RANBP2: variants seen among roughly 807,000 people sequenced by gnomAD.
The protein encoded by RANBP2 is E3 SUMO-protein ligase RanBP2.
RANBP2 carries 57 observed loss-of-function variants against 303.6 expected under a neutral mutation model. That is an observed-to-expected ratio of 0.19 (90% CI 0.15 to 0.23). The LOEUF (loss-of-function observed/expected upper bound fraction) is 0.23, where lower values mean the gene tolerates loss of function less well. Among genes scored for constraint, RANBP2 ranks in the 10% least tolerant of loss-of-function variants. RANBP2 has a pLI of 1.00. For missense variants in RANBP2, 3,138 were observed against 3,780.8 expected, an observed-to-expected ratio of 0.83 and a Z score of 4.46; for synonymous variants, 1,167 against 1,301.5, an observed-to-expected ratio of 0.90 and a Z score of 2.23.
the RANBP2 span, among the ~76,000 whole-genome samples, chr2:108,826,666 A>T: frequency 6.6e-6 from 1 of 152,122 alleles, no homozygotes; most frequent in Non-Finnish European, 1.5e-5. Flanking sequence ...CTTTGTAGTA[A>T]ATTTTGAAAA....
At chr2:108,933,174 T>C in the RANBP2 span, among the ~76,000 whole-genome samples, 1 of 152,198 alleles carries the variant, frequency 6.6e-6, no homozygotes, top group East Asian at 1.9e-4. Context: ...ATTTGTAAAG[T>C]TTCTAAATGC....
chr2:109,673,335 C>G, the RANBP2 span, among the ~76,000 whole-genome samples: 1 of 152,078 alleles, frequency 6.6e-6, no homozygotes, highest in Non-Finnish European at 1.5e-5. Context: ...ATCTTTTTGC[C>G]CACATGAGAG....
the RANBP2 span, among the ~76,000 whole-genome samples, chr2:108,826,474 A>G: frequency 4.1e-3 from 623 of 152,216 alleles, 7 homozygotes; most frequent in African/African-American, 0.015. Context: ...TTACCTGTAG[A>G]TACCCATTTG....
chr2:108,810,177 A>G, the RANBP2 span, among the ~76,000 whole-genome samples: 1 of 152,158 alleles, frequency 6.6e-6, no homozygotes, highest in Non-Finnish European at 1.5e-5. Context: ...TTCTAGTACC[A>G]TGTTCAACAA....
chr2:108,926,013 CCACCG>C, the RANBP2 span, among the ~76,000 whole-genome samples: 57 of 152,302 alleles, frequency 3.7e-4, no homozygotes, highest in Middle Eastern at 3.4e-3. Context: ...CAAGGAGAAG[CCACCG>C]TTTTCTAGCA....
At chr2:109,559,909 GCCTTTTTTT>G in the RANBP2 span, among the ~76,000 whole-genome samples, 6 of 115,178 alleles carry the variant, frequency 5.2e-5, no homozygotes, top group East Asian at 2.4e-4. Flanking sequence ...TCCAACCAAT[GCCTTTTTTT>G]TTTTTTTTTT....
chr2:109,349,157 T>C, the RANBP2 span, among the ~76,000 whole-genome samples: 1 of 77,518 alleles, frequency 1.3e-5, no homozygotes, highest in Non-Finnish European at 2.2e-5. Flanking sequence ...ATCTGCTGAG[T>C]GCAGAGCTCG....
At chr2:109,117,108 C>G in the RANBP2 span, among the ~76,000 whole-genome samples, 1 of 152,360 alleles carries the variant, frequency 6.6e-6, no homozygotes, top group South Asian at 2.1e-4. Context: ...AAGAGGCAGT[C>G]TGCCCGTTCT....
chr2:109,349,451 G>A, the RANBP2 span, among the ~76,000 whole-genome samples: 1 of 152,148 alleles, frequency 6.6e-6, no homozygotes, highest in Admixed American at 6.5e-5. Flanking sequence ...GCTTCCTGGG[G>A]CTATTTTTAG....
At chr2:109,357,179 T>A in the RANBP2 span, among the ~76,000 whole-genome samples, 1 of 151,022 alleles carries the variant, frequency 6.6e-6, no homozygotes. Context: ...TTCTTGTTTT[T>A]TGTTTTTTGG....
At chr2:109,327,807 A>G in the RANBP2 span, among the ~76,000 whole-genome samples, 4 of 152,258 alleles carry the variant, frequency 2.6e-5, no homozygotes, top group African/African-American at 4.8e-5. Context: ...TGACTTTTAC[A>G]TATACATACC....
the RANBP2 span, among the ~76,000 whole-genome samples, chr2:108,971,948 C>T: frequency 5.3e-5 from 8 of 152,330 alleles, 1 homozygote; most frequent in South Asian, 1.4e-3. Flanking sequence ...ATAGGGGCAA[C>T]AGAGGAGCAG....
At chr2:109,524,663 T>C in the RANBP2 span, among the ~76,000 whole-genome samples, 1 of 151,796 alleles carries the variant, frequency 6.6e-6, no homozygotes, top group Non-Finnish European at 1.5e-5. Flanking sequence ...GAGAATCTCT[T>C]GAACCTGGGA....
chr2:108,871,474 C>T, the RANBP2 span, among the ~76,000 whole-genome samples: 14 of 151,950 alleles, frequency 9.2e-5, no homozygotes, highest in East Asian at 2.7e-3. Context: ...ATCCCTTGAA[C>T]CCAGAGGGAG....
the RANBP2 span, chr2:109,733,180 GAAAAAAA>G: frequency 3.4e-6 from 1 of 290,494 alleles, no homozygotes; most frequent in Non-Finnish European, 6.7e-6. Flanking sequence ...TAGGTCAAAT[GAAAAAAA>G]AAAAAAAAAG....
chr2:109,144,413 C>G, the RANBP2 span, among the ~76,000 whole-genome samples: 5 of 152,126 alleles, frequency 3.3e-5, no homozygotes, highest in Non-Finnish European at 5.9e-5. Context: ...ACAAGCAGAC[C>G]TAGCTTTCAC....
chr2:108,931,586 G>C, the RANBP2 span, among the ~76,000 whole-genome samples: 1 of 152,212 alleles, frequency 6.6e-6, no homozygotes, highest in Non-Finnish European at 1.5e-5. Flanking sequence ...GAGAGGTTAA[G>C]TGATTTGCCC....
At chr2:109,001,162 G>A in the RANBP2 span, among the ~76,000 whole-genome samples, 9 of 152,136 alleles carry the variant, frequency 5.9e-5, no homozygotes, top group Non-Finnish European at 1.3e-4. Flanking sequence ...ACTGTGCTGC[G>A]GGTGTAAAAG....
At chr2:109,170,826 C>A in the RANBP2 span, among the ~76,000 whole-genome samples, 2 of 152,192 alleles carry the variant, frequency 1.3e-5, no homozygotes, top group African/African-American at 4.8e-5. Flanking sequence ...CATAGTTTAC[C>A]TGTGAACAGA....
Sources: gnomAD v4.1 joint callset for allele counts (sites outside exome capture counted in the v4.1 genomes callset) on GRCh38, gnomAD v4.1.1 for gene constraint, MANE v1.5 for transcripts, NCBI Gene and HGNC (gene_info 2026-07-23, HGNC 2026-07-21) for gene names.